Variants in GLCE observed in about 807,000 individuals in gnomAD.
GLCE encodes the protein glucuronic acid epimerase.
A neutral mutation model predicts 47.9 loss-of-function variants in GLCE; 19 were observed. The ratio of observed to expected loss-of-function variants is 0.40; its 90% CI spans 0.28 to 0.58. GLCE has a LOEUF of 0.58. Among genes scored for constraint, GLCE ranks in the 20% least tolerant of loss-of-function variants. The pLI is 0.48. For synonymous variants in GLCE, 245 were observed against 263.4 expected (o/e 0.93, Z 0.68); for missense variants, 556 against 743.3 (o/e 0.75, Z 2.93).
intron 2 of GLCE, among the ~76,000 whole-genome samples, chr15:69,241,059 C>T (rs562316509): frequency 6.6e-6 from 1 of 152,256 alleles, no homozygotes; most frequent in Admixed American, 6.5e-5. Flanking sequence ...TTGTTAAAAT[C>T]ATCATCGTCG....
chr15:69,162,995 G>C (rs78474590), intron 1 of GLCE, among the ~76,000 whole-genome samples: 1,757 of 152,210 alleles, frequency 0.012, 27 homozygotes, highest in African/African-American at 0.038. Context: ...GAAAAACAAA[G>C]GAATCCCGCA....
intron 2 of GLCE, among the ~76,000 whole-genome samples, chr15:69,214,384 G>GT (rs1218523274): frequency 6.6e-6 from 1 of 152,082 alleles, no homozygotes; most frequent in Non-Finnish European, 1.5e-5. Context: ...ATAATAGTGA[G>GT]TGAGTTCTAA....
chr15:69,197,205 GC>G, intron 1 of GLCE: 1 of 420,544 alleles, frequency 2.4e-6, no homozygotes, highest in South Asian at 1.8e-5. Flanking sequence ...AATGAATTGG[GC>G]ACAAAGTTTT....
intron 1 of GLCE, chr15:69,197,312 A>G (rs958375077): frequency 1.4e-5 from 4 of 279,612 alleles, no homozygotes; most frequent in Admixed American, 7.6e-5. Context: ...TTCCACAACC[A>G]GAATGCAGAA....
intron 3 of GLCE, 76 bp downstream of exon 3, chr15:69,256,468 C>T (rs2052927103): frequency 3.2e-6 from 3 of 942,234 alleles, no homozygotes; most frequent in African/African-American, 1.6e-5. Context: ...GTTAATTATA[C>T]ATCAAGTACA....
chr15:69,187,647 A>G (rs965652266), intron 1 of GLCE, among the ~76,000 whole-genome samples: 3 of 152,236 alleles, frequency 2.0e-5, no homozygotes, highest in Non-Finnish European at 2.9e-5. Context: ...CAATTTAAAG[A>G]ATAAGAAAAT....
intron 1 of GLCE, among the ~76,000 whole-genome samples, chr15:69,209,997 T>C (rs988087418): frequency 1.3e-5 from 2 of 152,018 alleles, no homozygotes; most frequent in Non-Finnish European, 2.9e-5. Context: ...CACACTTCCT[T>C]GTGAGTCCTA....
At chr15:69,163,934 G>C (rs2140320995) in intron 1 of GLCE, among the ~76,000 whole-genome samples, 1 of 152,146 alleles carries the variant, frequency 6.6e-6, no homozygotes, top group Non-Finnish European at 1.5e-5. Flanking sequence ...GGTGGGGTGG[G>C]TAGCACAACA....
intron 1 of GLCE, among the ~76,000 whole-genome samples, chr15:69,172,077 A>G (rs1441942374): frequency 6.6e-6 from 1 of 152,200 alleles, no homozygotes; most frequent in Non-Finnish European, 1.5e-5. Flanking sequence ...CATCTTATAT[A>G]ATCATGTTAT....
At chr15:69,227,446 A>G (rs926829420) in intron 2 of GLCE, among the ~76,000 whole-genome samples, 3 of 152,326 alleles carry the variant, frequency 2.0e-5, no homozygotes, top group African/African-American at 4.8e-5. Flanking sequence ...CTTTCTAAGT[A>G]TGCACAAAAA....
At chr15:69,163,610 A>G (rs1199314691) in intron 1 of GLCE, among the ~76,000 whole-genome samples, 1 of 152,206 alleles carries the variant, frequency 6.6e-6, no homozygotes, top group East Asian at 1.9e-4. Flanking sequence ...TGATTGTGCT[A>G]CGTAAGCATA....
intron 1 of GLCE, among the ~76,000 whole-genome samples, chr15:69,185,429 C>G (rs1037631616): frequency 6.6e-6 from 1 of 152,062 alleles, no homozygotes; most frequent in Non-Finnish European, 1.5e-5. Flanking sequence ...CAAAAGTTGC[C>G]TGAAGCGTTG....
At chr15:69,173,978 C>T (rs1330144728) in intron 1 of GLCE, among the ~76,000 whole-genome samples, 2 of 152,082 alleles carry the variant, frequency 1.3e-5, no homozygotes, top group Non-Finnish European at 2.9e-5. Flanking sequence ...CAGTCTCAGC[C>T]TCCCAGGTAG....
At chr15:69,240,311 G>T (rs201075226) in intron 2 of GLCE, among the ~76,000 whole-genome samples, 104,565 of 142,518 alleles carry the variant, frequency 0.73, 37,735 homozygotes, top group Admixed American at 0.8. Context: ...AAAAAAAAAA[G>T]AAAAGAAATA....
At chr15:69,183,508 C>T (rs1420907788) in intron 1 of GLCE, among the ~76,000 whole-genome samples, 1 of 152,202 alleles carries the variant, frequency 6.6e-6, no homozygotes, top group Non-Finnish European at 1.5e-5. Context: ...AGACTGATAC[C>T]AGGTAGCCAT....
rs538379345 is a variant in GLCE, at chr15:69,238,388, G to GT, written c.-13-17404dup. Among the ~76,000 whole-genome samples the GT allele has an allele frequency of 7.2e-5, 11 of 152,058 alleles. No homozygotes were observed. In the East Asian group the frequency reaches 1.4e-3, roughly 19 times the overall value. On this transcript the variant is annotated intron_variant, in intron 2 of 4. Coordinates refer to ENST00000261858, the MANE Select transcript of GLCE (RefSeq NM_015554.3). ...TCACTAATAATTTTTCTTCAGCAAA[G>GT]TTAAGAACTACTCAGTTTCTTCAAC... is the stretch of plus-strand genomic sequence containing the variant.
chr15:69,217,727 ACT>A (rs1231809226), intron 2 of GLCE, among the ~76,000 whole-genome samples: 1 of 151,982 alleles, frequency 6.6e-6, no homozygotes, highest in Non-Finnish European at 1.5e-5. Context: ...TCTTTGGTTG[ACT>A]CTGACTCAGA....
At chr15:69,170,353 ATTG>A (rs1470657697) in intron 1 of GLCE, among the ~76,000 whole-genome samples, 2 of 152,098 alleles carry the variant, frequency 1.3e-5, no homozygotes, top group Non-Finnish European at 2.9e-5. Flanking sequence ...ATTGTTCTTT[ATTG>A]TTGTTTCTCC....
At chr15:69,168,859 A>G (rs1566945306) in intron 1 of GLCE, among the ~76,000 whole-genome samples, 1 of 152,126 alleles carries the variant, frequency 6.6e-6, no homozygotes, top group Non-Finnish European at 1.5e-5. Context: ...AAAAAATTTG[A>G]TAGGACTCGA....
Sources: gnomAD v4.1 joint callset for allele counts (sites outside exome capture counted in the v4.1 genomes callset) on GRCh38, gnomAD v4.1.1 for gene constraint, MANE v1.5 for transcripts, NCBI Gene and HGNC (gene_info 2026-07-23, HGNC 2026-07-21) for gene names.